STK32B: variants seen among roughly 807,000 people sequenced by gnomAD.
STK32B encodes serine/threonine-protein kinase 32B.
A neutral mutation model predicts 52.6 loss-of-function variants in STK32B; 43 were observed. The ratio of observed to expected loss-of-function variants is 0.82; its 90% CI spans 0.64 to 1.05. The LOEUF (loss-of-function observed/expected upper bound fraction) is 1.05. STK32B is among the 50% of genes least tolerant of loss of function. STK32B has a pLI of 0.00. For synonymous variants in STK32B, 238 were observed against 204.3 expected, an observed-to-expected ratio of 1.17 and a Z score of -1.41; for missense variants, 621 against 534.6, an observed-to-expected ratio of 1.16 and a Z score of -1.59.
At chr4:5,256,431 A>G (rs759308656) in intron 3 of STK32B, among the ~76,000 whole-genome samples, 1 of 152,184 alleles carries the variant, frequency 6.6e-6, no homozygotes, top group Non-Finnish European at 1.5e-5. Flanking sequence ...TTGGTACTTA[A>G]AAGAACACAC....
At chr4:5,443,367 G>C (rs887649976) in intron 6 of STK32B, among the ~76,000 whole-genome samples, 10 of 151,590 alleles carry the variant, frequency 6.6e-5, no homozygotes, top group African/African-American at 2.4e-4. Flanking sequence ...ATCTTCCATT[G>C]CTGATACCCT....
intron 4 of STK32B, among the ~76,000 whole-genome samples, chr4:5,363,424 T>C (rs1049999999): frequency 3.3e-5 from 5 of 152,216 alleles, no homozygotes; most frequent in African/African-American, 1.2e-4. Flanking sequence ...GCCACTGATG[T>C]GTGACTGAGA....
At chr4:5,102,273 T>G (rs1713828357) in intron 1 of STK32B, among the ~76,000 whole-genome samples, 3 of 152,092 alleles carry the variant, frequency 2.0e-5, no homozygotes, top group Non-Finnish European at 2.9e-5. Flanking sequence ...ATCCTGCAGA[T>G]TACATGGCCA....
chr4:5,094,259 T>G (rs572167856), intron 1 of STK32B, among the ~76,000 whole-genome samples: 1 of 152,294 alleles, frequency 6.6e-6, no homozygotes, highest in South Asian at 2.1e-4. Context: ...CAAAGAATGG[T>G]TTGACAATTT....
chr4:5,466,759 C>T lies in STK32B; in HGVS notation c.966C>T (p.Ser322=). 6.2e-7 allele frequency: 1 copy of T among 1,613,522 alleles called. No homozygotes were observed. Residue 322 remains serine (S), a synonymous_variant, in exon 10 of 12, where the codon TCC becomes TCT. Coordinates refer to ENST00000282908, the MANE Select transcript of STK32B (RefSeq NM_018401.3). ...TFELEEMILE[S]KPLHKKKKRL... ...AGCTTGAAGAGATGATTCTAGAATC[C>T]AAGCCACTTCACAAAAAGAAGAAGC... is the stretch of plus-strand genomic sequence containing the variant.
chr4:5,468,912 C>T (rs1375510201), intron 11 of STK32B, among the ~76,000 whole-genome samples: 2 of 152,016 alleles, frequency 1.3e-5, no homozygotes, highest in African/African-American at 4.8e-5. Flanking sequence ...TAGCTGTGCG[C>T]AGTGGCGGGC....
intron 3 of STK32B, among the ~76,000 whole-genome samples, chr4:5,279,625 C>G (rs1728061782): frequency 1.3e-5 from 2 of 152,182 alleles, no homozygotes; most frequent in African/African-American, 4.8e-5. Flanking sequence ...AGTGGGGACT[C>G]TGTATTGGAG....
rs140784017 is a variant in STK32B at position 5,186,606 on chromosome 4, T to C, written c.260+18156T>C. On this transcript the variant is annotated intron_variant, in intron 3 of 11. Coordinates refer to ENST00000282908, the MANE Select transcript of STK32B (RefSeq NM_018401.3). ...CTATAGAGATTTCAAACACCCACCA[T>C]GCCCTGGAGGGTTAAGTGATATCCT... is the stretch of plus-strand genomic sequence containing the variant. 2.8e-4 allele frequency among the ~76,000 whole-genome samples: 43 copies of C among 152,098 alleles called. No homozygotes were observed. The Middle Eastern group carries it at 0.02, about 72-fold the overall frequency.
At chr4:5,302,135 A>C (rs1729601846) in intron 3 of STK32B, among the ~76,000 whole-genome samples, 1 of 151,678 alleles carries the variant, frequency 6.6e-6, no homozygotes. Flanking sequence ...TTTTGAGTTA[A>C]AACAGTCTGA....
chr4:5,380,367 T>C lies in STK32B; in HGVS notation c.435-17840T>C, dbSNP rs1340920053. On this transcript the variant is annotated intron_variant, in intron 4 of 11. Coordinates refer to ENST00000282908, the MANE Select transcript of STK32B (RefSeq NM_018401.3). The surrounding 1 kb of genome is among the most constrained non-coding windows in gnomAD (Gnocchi z 4.3). Reference sequence around the variant, plus strand: ...CCCAAGAGAATGCAAAAGGCCAGGCTTCTGCATTTAAAATTATACTATGAA... The same window carrying C: ...CCCAAGAGAATGCAAAAGGCCAGGCCTCTGCATTTAAAATTATACTATGAA... Among the ~76,000 whole-genome samples, 1 of 152,164 alleles carries C rather than the reference T, an allele frequency of 6.6e-6. No homozygotes were observed. Among genetic ancestry groups the C allele is most frequent in the Non-Finnish European group, 1.5e-5 (1 of 68,038 alleles).
chr4:5,055,064 C>A (rs1451947769), intron 1 of STK32B, among the ~76,000 whole-genome samples: 6 of 151,356 alleles, frequency 4.0e-5, no homozygotes, highest in Non-Finnish European at 5.9e-5. Context: ...CCTCCAGTTG[C>A]AAATGATGGA....
At chr4:5,036,444 A>C in the STK32B span, among the ~76,000 whole-genome samples, 1 of 151,484 alleles carries the variant, frequency 6.6e-6, no homozygotes, top group Admixed American at 6.6e-5. Flanking sequence ...TCAGAAAATA[A>C]ACTCCACATT....
At chr4:5,382,817 T>C (rs1301945593) in intron 4 of STK32B, among the ~76,000 whole-genome samples, 2 of 152,172 alleles carry the variant, frequency 1.3e-5, no homozygotes, top group Non-Finnish European at 2.9e-5. Context: ...ACAACAGCCG[T>C]TACAGACAGA....
At chr4:5,129,300 T>G (rs903250566) in intron 1 of STK32B, among the ~76,000 whole-genome samples, 2 of 152,224 alleles carry the variant, frequency 1.3e-5, no homozygotes, top group African/African-American at 2.4e-5. Context: ...TCTTCTCTTC[T>G]TTATTGGAGT....
At chr4:5,070,840 A>C (rs955783758) in intron 1 of STK32B, among the ~76,000 whole-genome samples, 1 of 152,076 alleles carries the variant, frequency 6.6e-6, no homozygotes. Context: ...AAACCCACTT[A>C]TTTTGCACTC....
chr4:5,201,121 G>C (rs1381743581), intron 3 of STK32B, among the ~76,000 whole-genome samples: 1 of 152,222 alleles, frequency 6.6e-6, no homozygotes, highest in South Asian at 2.1e-4. Flanking sequence ...CTGATCAGTT[G>C]AATGGGTCTC....
intron 1 of STK32B, among the ~76,000 whole-genome samples, chr4:5,053,862 C>G (rs1291455660): frequency 6.6e-6 from 1 of 152,032 alleles, no homozygotes; most frequent in East Asian, 1.9e-4. Flanking sequence ...ACCTGTAATC[C>G]CAGCTACTCA....
In STK32B at chr4:5,378,468, G is replaced by A; in HGVS notation, c.435-19739G>A. Among the ~76,000 whole-genome samples the A allele has an allele frequency of 6.6e-6, 1 of 152,090 alleles. No individual in the cohort carries two copies. Among genetic ancestry groups the A allele is most frequent in the East Asian group, 1.9e-4 (1 of 5,202 alleles). On this transcript the variant is annotated intron_variant, in intron 4 of 11. Coordinates refer to ENST00000282908, the MANE Select transcript of STK32B (RefSeq NM_018401.3). This position sits in a 1 kb window ranked among gnomAD's most constrained non-coding sequence, Gnocchi z 4.4. ...GAGTTAAATCATTTACAATTATCAT[G>A]ATTCCTGATACATTTGAACTTGTTT...
chr4:5,119,749 A>G (rs995188842), intron 1 of STK32B, among the ~76,000 whole-genome samples: 1 of 152,268 alleles, frequency 6.6e-6, no homozygotes, highest in African/African-American at 2.4e-5. Flanking sequence ...GAGGAAGGAC[A>G]TCATATGTGA....
Sources: gnomAD v4.1 joint callset for allele counts (sites outside exome capture counted in the v4.1 genomes callset) on GRCh38, gnomAD v4.1.1 for gene constraint, Gnocchi (gnomAD v3.1) non-coding constraint, MANE v1.5 for transcripts, NCBI Gene and HGNC (gene_info 2026-07-23, HGNC 2026-07-21) for gene names.